The following XPNPEP2 variants were observed in gnomAD, a reference collection of about 807,000 sequenced individuals.
The protein encoded by XPNPEP2 is X-prolyl aminopeptidase 2.
Under a neutral mutation model 59.8 loss-of-function variants are expected in XPNPEP2, and 64 were observed. That is an observed-to-expected ratio of 1.07 (90% CI 0.87 to 1.32). The LOEUF (loss-of-function observed/expected upper bound fraction) is 1.32, where lower values mean the gene tolerates loss of function less well. XPNPEP2 is among the 40% of genes most tolerant of loss of function. The pLI, the probability that XPNPEP2 is intolerant of heterozygous loss-of-function variation, is 0.00. For synonymous variants in XPNPEP2, 235 were observed against 210.0 expected, an observed-to-expected ratio of 1.12 and a Z score of -1.03; for missense variants, 575 against 546.8, an observed-to-expected ratio of 1.05 and a Z score of -0.51.
At position 129,768,557 on chromosome X, in the gene XPNPEP2, C is replaced by A. The variant is rs1926796327; in HGVS notation, c.*72C>A. ...CTTGCTTAGCTCCCCTCACCCTGCA[C>A]TGAACATACCCCAAGAGCCCCTGCT... On this transcript the variant is annotated 3_prime_UTR_variant, in exon 21 of 21. Transcript: ENST00000371106. 2 of 937,618 alleles carry A rather than the reference C, an allele frequency of 2.1e-6. No individual in the cohort carries two copies. The highest frequency in any genetic ancestry group is 4.0e-5 in the Admixed American group (1 of 25,002). 77.3% of individuals were successfully genotyped at this position (937,618 alleles called of 1,213,427 possible).
intron 1 of XPNPEP2, among the ~76,000 whole-genome samples, chrX:129,741,637 G>C (rs1336107428): frequency 8.9e-6 from 1 of 112,226 alleles, no homozygotes; most frequent in Admixed American, 9.4e-5. Flanking sequence ...GATTTGGACT[G>C]TAAGAAACAG....
intron 14 of XPNPEP2, 69 bp downstream of exon 14, chrX:129,756,624 C>A (rs1926523272): frequency 1.9e-6 from 2 of 1,061,357 alleles, no homozygotes; most frequent in Non-Finnish European, 2.6e-6. Flanking sequence ...CAAGAGTCAG[C>A]CAAAGCTTTC....
intron 18 of XPNPEP2, 140 bp downstream of exon 18, chrX:129,762,205 G>A (rs762736956): frequency 7.5e-5 from 46 of 609,622 alleles, no homozygotes; most frequent in African/African-American, 1.1e-4. Flanking sequence ...CATTCCCACC[G>A]CTACGCCCAG....
At chrX:129,744,694 C>G (rs1415849585) in intron 3 of XPNPEP2, among the ~76,000 whole-genome samples, 1 of 112,255 alleles carries the variant, frequency 8.9e-6, no homozygotes, top group Non-Finnish European at 1.9e-5. Flanking sequence ...CTTCCCTGAG[C>G]CTCAGTTTCC....
In XPNPEP2 at chrX:129,739,536, A is replaced by G. The variant is rs777964047; in HGVS notation, c.49+274A>G. Reference sequence around the variant, plus strand: ...CTTAATTTAAGACTACCGCATTGCAATAGAGGAGAGAAATGGGGCTCAACT... The same window carrying G: ...CTTAATTTAAGACTACCGCATTGCAGTAGAGGAGAGAAATGGGGCTCAACT... On this transcript the variant is annotated intron_variant, in intron 1 of 20. Transcript: ENST00000371106. Among the ~76,000 whole-genome samples, 292 of 112,187 alleles carry G rather than the reference A, an allele frequency of 2.6e-3. 1 individual carries two copies. Among genetic ancestry groups the G allele is most frequent in the African/African-American group, 8.8e-3 (273 of 30,864 alleles).
chrX:129,762,168 A>G, intron 18 of XPNPEP2, 103 bp downstream of exon 18: 3 of 896,415 alleles, frequency 3.3e-6, no homozygotes, highest in Non-Finnish European at 4.8e-6. Context: ...CACAGCAGGC[A>G]CTAGTACAGC....
chrX:129,755,399 G>A, intron 13 of XPNPEP2, 28 bp downstream of exon 13: 2 of 1,175,114 alleles, frequency 1.7e-6, no homozygotes, highest in Non-Finnish European at 2.3e-6. Context: ...ATTTTCTAGG[G>A]CCCTGTTGGG....
intron 14 of XPNPEP2, among the ~76,000 whole-genome samples, chrX:129,758,105 C>T (rs1027250121): frequency 3.6e-5 from 4 of 110,899 alleles, no homozygotes; most frequent in Non-Finnish European, 7.6e-5. Flanking sequence ...AAAGAAGGGC[C>T]GTACTGAACT....
rs181235336 is a variant in XPNPEP2 at position 129,753,484 on chromosome X, A to T, written c.1107+236A>T. Among the ~76,000 whole-genome samples, 422 of 111,131 alleles carry T rather than the reference A, an allele frequency of 3.8e-3. 2 individuals carry two copies. Among genetic ancestry groups the T allele is most frequent in the African/African-American group, 0.013 (399 of 30,564 alleles). The stretch of plus-strand genomic sequence containing the variant: ...ATGGTGAAGCCCTGTCTCTACTAAA[A>T]ATACAAAAATTAGCCAGGCGTGGTG... On this transcript the variant is annotated intron_variant, in intron 11 of 20. Transcript: ENST00000371106.
chrX:129,747,528 G>A, intron 6 of XPNPEP2, 79 bp from the exon 7 acceptor site: 1 of 1,173,364 alleles, frequency 8.5e-7, no homozygotes, highest in Non-Finnish European at 1.1e-6. Flanking sequence ...AGGGAACCAG[G>A]ACTAACTTTG....
chrX:129,759,189 C>T lies in XPNPEP2; in HGVS notation c.1377C>T (p.Thr459=). 1.7e-6 allele frequency: 2 copies of T among 1,211,860 alleles called. No individual in the cohort carries two copies. Among genetic ancestry groups the T allele is most frequent in the Non-Finnish European group, 2.2e-6 (2 of 895,553 alleles). ...LDSGGQYWDG[T]TDITRTVHWG... ...TTTTCCTTCTCCATAGGGACGGGAC[C>T]ACAGACATCACCAGAACAGTCCACT... Residue 459 remains threonine, a synonymous_variant, in exon 15 of 21, where the codon ACC becomes ACT. Transcript: ENST00000371106.
intron 2 of XPNPEP2, 89 bp downstream of exon 2, chrX:129,742,270 C>A: frequency 2.0e-6 from 1 of 489,067 alleles, no homozygotes; most frequent in East Asian, 4.1e-5. Flanking sequence ...CGCAGCACCC[C>A]CGCCCTGCTC....
At chrX:129,767,507 G>C in intron 19 of XPNPEP2, 96 bp from the exon 20 acceptor site, 2 of 892,603 alleles carry the variant, frequency 2.2e-6, no homozygotes, top group Non-Finnish European at 3.3e-6. Flanking sequence ...CCAGCTCCTT[G>C]TGTCCTCCGG....
chrX:129,742,210 C>T lies in XPNPEP2; in HGVS notation c.123+29C>T, dbSNP rs779868385. 1.6e-4 allele frequency: 121 copies of T among 773,899 alleles called. No individual in the cohort carries two copies. The South Asian group carries it at 1.7e-3, about 11-fold the overall frequency. The allele number at this position is 773,899 out of a possible 1,213,427, so 63.8% of individuals were successfully genotyped here. A position where few individuals can be genotyped will look rare whatever the true frequency, so the allele number is the denominator to read the frequency against. ...AGTGCCCCCTGCCCCCCGCGCACGGCCCCCCTGGCCCCACGCACCCCCCCA... is the reference window on the plus strand; with the variant it reads ...AGTGCCCCCTGCCCCCCGCGCACGGTCCCCCTGGCCCCACGCACCCCCCCA... On this transcript the variant is annotated intron_variant, in intron 2 of 20. Transcript: ENST00000371106.
intron 8 of XPNPEP2, among the ~76,000 whole-genome samples, 169 bp downstream of exon 8, chrX:129,750,738 G>T (rs1926377050): frequency 8.9e-6 from 1 of 112,425 alleles, no homozygotes; most frequent in Middle Eastern, 4.6e-3. Context: ...AAGGGGGCAG[G>T]AGCTCATGGC....
chrX:129,747,016 A>G (rs139455786), intron 6 of XPNPEP2, among the ~76,000 whole-genome samples: 2 of 111,033 alleles, frequency 1.8e-5, no homozygotes, highest in East Asian at 2.9e-4. Context: ...AACCCTGCCA[A>G]TGATGATGCT....
chrX:129,749,098 C>G (rs1178891641), intron 7 of XPNPEP2, among the ~76,000 whole-genome samples: 2 of 112,165 alleles, frequency 1.8e-5, no homozygotes, highest in Non-Finnish European at 3.8e-5. Context: ...GTATCATATT[C>G]CTGAACCTTG....
At chrX:129,747,485 G>C in intron 6 of XPNPEP2, 122 bp from the exon 7 acceptor site, 1 of 1,017,751 alleles carries the variant, frequency 9.8e-7, no homozygotes, top group Admixed American at 2.6e-5. Flanking sequence ...TGCTGGGGCA[G>C]GCTCCGGGCA....
At position 129,768,919 on chromosome X, in the gene XPNPEP2, C is replaced by T. The variant is rs6637656; in HGVS notation, c.*434C>T. ...CCCAAACCTATCACCACCTGTTGGG[C>T]ATAGCCAGAGCTGTTCCCACCCAGC... On this transcript the variant is annotated 3_prime_UTR_variant, in exon 21 of 21. Transcript: ENST00000371106. The T allele has an allele frequency of 0.071, 8,228 of 116,164 alleles. 618 individuals are homozygous for T. Among genetic ancestry groups the T allele is most frequent in the East Asian group, 0.32 (1,176 of 3,654 alleles). The allele number at this position is 116,164 out of a possible 1,213,427, so 9.6% of individuals were successfully genotyped here.
Sources: allele counts gnomAD v4.1 joint callset (sites outside exome capture counted in the v4.1 genomes callset), GRCh38; gene constraint gnomAD v4.1.1; transcripts MANE v1.5; gene names NCBI Gene and HGNC (gene_info 2026-07-23, HGNC 2026-07-21).